The following CFAP47 variants were observed in gnomAD, a reference collection of about 807,000 sequenced individuals.
CFAP47 encodes cilia- and flagella-associated protein 47.
CFAP47 carries 29 observed loss-of-function variants against 148.1 expected under a neutral mutation model. That is an observed-to-expected ratio of 0.20 (90% CI 0.15 to 0.27). The LOEUF (loss-of-function observed/expected upper bound fraction) is 0.27, where lower values mean the gene tolerates loss of function less well. Among genes scored for constraint, CFAP47 ranks in the 10% least tolerant of loss-of-function variants. CFAP47 has a pLI of 1.00. For synonymous variants in CFAP47, 664 were observed against 577.3 expected (o/e 1.15, Z -2.15); for missense variants, 1,872 against 1,697.5 (o/e 1.10, Z -1.81).
rs764038094 is a variant in CFAP47 at position 36,098,773 on chromosome X, T to G, written c.4917-20T>G. On this transcript the variant is annotated intron_variant, in intron 30 of 63. Transcript: ENST00000378653. ...CATGTATATTATATTATAATTTGAG[T>G]TTTTCTTTTTTAATTTTAGTGCTCA... 1 of 1,022,374 alleles carries G rather than the reference T, an allele frequency of 9.8e-7. No homozygotes were observed. The highest frequency in any genetic ancestry group is 1.9e-5 in the African/African-American group (1 of 52,177). The allele number at this position is 1,022,374 out of a possible 1,213,427, so 84.3% of individuals were successfully genotyped here. A position where few individuals can be genotyped will look rare whatever the true frequency, so the allele number is the denominator to read the frequency against.
intron 22 of CFAP47, among the ~76,000 whole-genome samples, chrX:36,024,501 G>A (rs901386618): frequency 3.6e-5 from 4 of 111,276 alleles, no homozygotes; most frequent in Non-Finnish European, 5.7e-5. Flanking sequence ...GGCCCAGCTC[G>A]GCCATTAGGA....
chrX:35,926,129 T>C lies in CFAP47; in HGVS notation c.362T>C (p.Ile121Thr). Reference protein sequence around the residue: ...KDEDTFDRLLISIENKTTEIP... With the variant: ...KDEDTFDRLLTSIENKTTEIP... Reference sequence around the variant, plus strand: ...GAAGACACTTTTGACCGGCTACTTATTTCAATAGAAAATAAAACAACAGAA... The same window carrying C: ...GAAGACACTTTTGACCGGCTACTTACTTCAATAGAAAATAAAACAACAGAA... The change falls in exon 2 of 64, where the codon ATT becomes ACT. Residue 121 changes from isoleucine to threonine, a missense_variant. Transcript: ENST00000378653. 1 of 1,205,644 alleles carries C rather than the reference T, an allele frequency of 8.3e-7. No individual in the cohort carries two copies. The highest frequency in any genetic ancestry group is 1.1e-6 in the Non-Finnish European group (1 of 890,616).
chrX:36,248,925 C>T (rs952648901), intron 48 of CFAP47, among the ~76,000 whole-genome samples: 3 of 109,951 alleles, frequency 2.7e-5, no homozygotes, highest in Non-Finnish European at 3.8e-5. Context: ...ACAACATACT[C>T]CTAAATAACC....
At chrX:35,984,995 T>C (rs1936695380) in intron 15 of CFAP47, among the ~76,000 whole-genome samples, 1 of 111,724 alleles carries the variant, frequency 9.0e-6, no homozygotes, top group South Asian at 3.7e-4. Context: ...CGAATATCTT[T>C]GTTAGTTTTC....
At chrX:36,255,146 T>A (rs1940735136) in intron 49 of CFAP47, among the ~76,000 whole-genome samples, 1 of 111,268 alleles carries the variant, frequency 9.0e-6, no homozygotes, top group Non-Finnish European at 1.9e-5. Flanking sequence ...CCATTCTAAA[T>A]CAGAGTTAGG....
At chrX:36,172,669 A>G (rs1276170045) in intron 39 of CFAP47, among the ~76,000 whole-genome samples, 1 of 111,218 alleles carries the variant, frequency 9.0e-6, no homozygotes, top group Non-Finnish European at 1.9e-5. Context: ...ATGGTGGATA[A>G]GCTTTTTGAT....
intron 40 of CFAP47, among the ~76,000 whole-genome samples, chrX:36,182,514 C>T (rs59411346): frequency 0.017 from 1,905 of 111,718 alleles, 42 homozygotes; most frequent in African/African-American, 0.058. Context: ...TAAAATAATA[C>T]TTAGTAACGT....
chrX:36,366,325 T>C (rs1409716685), intron 61 of CFAP47, among the ~76,000 whole-genome samples: 18 of 111,781 alleles, frequency 1.6e-4, no homozygotes, highest in African/African-American at 5.8e-4. Flanking sequence ...CTCCACTCTT[T>C]GTCATAGTCA....
Position 36,046,967 on chromosome X carries a change from G to T in CFAP47, c.4121G>T (p.Gly1374Val). 8.6e-7 allele frequency: 1 copy of T among 1,162,796 alleles called. No homozygotes were observed. The highest frequency in any genetic ancestry group is 1.1e-6 in the Non-Finnish European group (1 of 869,648). The change falls in exon 26 of 64, where the codon GGA becomes GTA. Residue 1374 changes from glycine to valine, a missense_variant. Coordinates refer to ENST00000378653, the MANE Select transcript of CFAP47 (RefSeq NM_001304548.2). ...KGRVIPGSHS[G>V]INNKLTCHLS... Reference sequence around the variant, plus strand: ...AGAGTCATCCCAGGCTCTCACAGTGGAATTAATAATAAGCTCACTTGCCAC... The same window carrying T: ...AGAGTCATCCCAGGCTCTCACAGTGTAATTAATAATAAGCTCACTTGCCAC...
chrX:36,256,262 A>G lies in CFAP47; in HGVS notation c.7444+4818A>G, dbSNP rs186666943. Among the ~76,000 whole-genome samples the G allele has an allele frequency of 5.1e-3, 575 of 111,984 alleles. 1 individual carries two copies. The highest frequency in any genetic ancestry group is 0.018 in the African/African-American group (549 of 30,818). On this transcript the variant is annotated intron_variant, in intron 49 of 63. Transcript: ENST00000378653. The stretch of plus-strand genomic sequence containing the variant: ...GCACAAGACTAGTATATAGGTGAAG[A>G]TGAGTAGGCCTTAGTGGTGATTATA...
intron 50 of CFAP47, among the ~76,000 whole-genome samples, chrX:36,282,387 A>G (rs782428593): frequency 7.2e-4 from 80 of 111,417 alleles, no homozygotes; most frequent in Non-Finnish European, 1.2e-3. Context: ...GAAAATCAAA[A>G]TATTATGATT....
intron 24 of CFAP47, among the ~76,000 whole-genome samples, chrX:36,037,227 G>T (rs1937348385): frequency 9.0e-6 from 1 of 111,618 alleles, no homozygotes; most frequent in African/African-American, 3.3e-5. Flanking sequence ...GGACTGGACT[G>T]GTCCATCTAG....
At chrX:36,241,371 C>T (rs1940541691) in intron 48 of CFAP47, among the ~76,000 whole-genome samples, 2 of 111,791 alleles carry the variant, frequency 1.8e-5, no homozygotes, top group Non-Finnish European at 3.8e-5. Flanking sequence ...CTAGCCCCAG[C>T]TGACTGCCAG....
intron 22 of CFAP47, among the ~76,000 whole-genome samples, chrX:36,022,876 T>C (rs1937175309): frequency 8.9e-6 from 1 of 111,984 alleles, no homozygotes; most frequent in African/African-American, 3.2e-5. Context: ...CTTTATTATC[T>C]TGAATGTCTT....
intron 53 of CFAP47, 119 bp downstream of exon 53, chrX:36,301,298 T>C (rs782341175): frequency 3.6e-4 from 142 of 389,767 alleles, no homozygotes; most frequent in Non-Finnish European, 5.2e-4. Context: ...TAGTCATTGA[T>C]TTTTTTTCCC....
At chrX:36,115,279 G>A (rs1479742728) in intron 33 of CFAP47, among the ~76,000 whole-genome samples, 2 of 111,078 alleles carry the variant, frequency 1.8e-5, no homozygotes, top group Non-Finnish European at 3.8e-5. Context: ...TTTATTATTA[G>A]CAAAAATAAA....
At chrX:35,949,978 T>C (rs759303805) in intron 4 of CFAP47, among the ~76,000 whole-genome samples, 63 of 111,458 alleles carry the variant, frequency 5.7e-4, no homozygotes, top group Non-Finnish European at 9.6e-4. Context: ...GAGAATAACT[T>C]TGAGAAGGAG....
intron 41 of CFAP47, among the ~76,000 whole-genome samples, chrX:36,189,204 A>C (rs1250005778): frequency 2.7e-5 from 3 of 111,437 alleles, no homozygotes; most frequent in East Asian, 2.8e-4. Context: ...AATAATGGTT[A>C]TCTCTCATAC....
At position 36,077,922 on chromosome X, in the gene CFAP47, G is replaced by A. The variant is rs145976980; in HGVS notation, c.4691+4558G>A. ...CACACTCCTATAGTCTCAGCTACTAGGGAGGCTGAGGCAGGAGAATTTATT... is the reference window on the plus strand; with the variant it reads ...CACACTCCTATAGTCTCAGCTACTAAGGAGGCTGAGGCAGGAGAATTTATT... On this transcript the variant is annotated intron_variant, in intron 29 of 63. Coordinates refer to ENST00000378653, the MANE Select transcript of CFAP47 (RefSeq NM_001304548.2). 9.6e-3 allele frequency among the ~76,000 whole-genome samples: 1,065 copies of A among 110,615 alleles called. 8 individuals are homozygous for A. The highest frequency in any genetic ancestry group is 0.033 in the African/African-American group (1,003 of 30,391).
Sources: gnomAD v4.1 joint callset for allele counts (sites outside exome capture counted in the v4.1 genomes callset) on GRCh38, gnomAD v4.1.1 for gene constraint, MANE v1.5 for transcripts, NCBI Gene and HGNC (gene_info 2026-07-23, HGNC 2026-07-21) for gene names.